Variants in OR1F1 observed in about 807,000 individuals in gnomAD.
The protein encoded by OR1F1 is olfactory receptor family 1 subfamily F member 1, also known as olfactory receptor 1F1.
For synonymous variants in OR1F1, 184 were observed against 156.7 expected (o/e 1.17, Z -1.30); for missense variants, 493 against 376.3 (o/e 1.31, Z -2.57).
At chr16:3,199,420 A>G (rs1418716751), upstream of OR1F1, among the ~76,000 whole-genome samples, 1 of 152,068 alleles carries the variant, frequency 6.6e-6, no homozygotes, top group Admixed American at 6.5e-5. Context: ...AGGTAAGAGG[A>G]TTGCTTGAGC....
At chr16:3,197,493 A>G in the OR1F1 span, among the ~76,000 whole-genome samples, 1 of 151,194 alleles carries the variant, frequency 6.6e-6, no homozygotes, top group Non-Finnish European at 1.5e-5. Flanking sequence ...TGCACAGGCC[A>G]CATGTCAAGG....
the OR1F1 span, among the ~76,000 whole-genome samples, chr16:3,196,437 G>C: frequency 6.6e-6 from 1 of 151,852 alleles, no homozygotes; most frequent in Non-Finnish European, 1.5e-5. Flanking sequence ...AGGCTGGAGG[G>C]CAGTGGTACG....
chr16:3,206,519 C>T (rs8048327), downstream of OR1F1, among the ~76,000 whole-genome samples: 3,995 of 152,198 alleles, frequency 0.026, 177 homozygotes, highest in African/African-American at 0.091. Context: ...TGGGTCCTAC[C>T]AATATGGGAT....
chr16:3,190,448 A>T, the OR1F1 span, among the ~76,000 whole-genome samples: 5 of 152,050 alleles, frequency 3.3e-5, no homozygotes, highest in African/African-American at 1.2e-4. Context: ...ATTTACAAGG[A>T]AAATGGACCC....
the OR1F1 span, among the ~76,000 whole-genome samples, chr16:3,193,524 A>G: frequency 6.6e-6 from 1 of 152,190 alleles, no homozygotes; most frequent in Non-Finnish European, 1.5e-5. Flanking sequence ...CTCTACGGGG[A>G]ATGGGAGTTT....
At chr16:3,195,250 C>G in the OR1F1 span, among the ~76,000 whole-genome samples, 1 of 152,130 alleles carries the variant, frequency 6.6e-6, no homozygotes, top group African/African-American at 2.4e-5. Flanking sequence ...AGACAGGTAA[C>G]TCATTGTGCT....
the OR1F1 span, among the ~76,000 whole-genome samples, chr16:3,195,116 G>A: frequency 6.6e-6 from 1 of 152,210 alleles, no homozygotes; most frequent in African/African-American, 2.4e-5. Flanking sequence ...CGGCCCAGGA[G>A]GGTGCTTCTT....
the OR1F1 span, among the ~76,000 whole-genome samples, chr16:3,189,460 T>C: frequency 1.3e-5 from 2 of 152,174 alleles, no homozygotes; most frequent in Non-Finnish European, 2.9e-5. Context: ...ATTTTGTGCG[T>C]CGCGGAGGAG....
At chr16:3,198,729 C>A in the OR1F1 span, among the ~76,000 whole-genome samples, 11 of 152,126 alleles carry the variant, frequency 7.2e-5, no homozygotes, top group Non-Finnish European at 1.6e-4. Context: ...TGGCTCACGC[C>A]TGGAATCCCA....
At chr16:3,203,150 A>T (rs1958155854), upstream of OR1F1, among the ~76,000 whole-genome samples, 1 of 152,222 alleles carries the variant, frequency 6.6e-6, no homozygotes, top group South Asian at 2.1e-4. Context: ...ACAAAGCTTT[A>T]TCGTCAGTGT....
chr16:3,206,087 G>A (rs1958205565), downstream of OR1F1, among the ~76,000 whole-genome samples: 1 of 152,116 alleles, frequency 6.6e-6, no homozygotes, highest in African/African-American at 2.4e-5. Flanking sequence ...TAAGACCTTG[G>A]GAGAGGAATG....
chr16:3,191,520 T>C, the OR1F1 span, among the ~76,000 whole-genome samples: 2 of 152,178 alleles, frequency 1.3e-5, no homozygotes, highest in South Asian at 4.1e-4. Context: ...GCTCAGTCGG[T>C]AGAGCATGGG....
chr16:3,190,072 C>G, the OR1F1 span, among the ~76,000 whole-genome samples: 5 of 152,124 alleles, frequency 3.3e-5, no homozygotes, highest in African/African-American at 4.8e-5. Flanking sequence ...AAAGGTCCAG[C>G]CTGGGACTCC....
At chr16:3,203,689 G>A (rs369450236), upstream of OR1F1, among the ~76,000 whole-genome samples, 18 of 152,324 alleles carry the variant, frequency 1.2e-4, no homozygotes, top group East Asian at 3.9e-4. Context: ...ACTTGAACTA[G>A]GGAGCTGAAG....
chr16:3,195,490 G>A, the OR1F1 span, among the ~76,000 whole-genome samples: 55 of 152,096 alleles, frequency 3.6e-4, no homozygotes, highest in African/African-American at 1.3e-3. Context: ...GACCAGCCTG[G>A]CTAACATGGT....
chr16:3,190,294 C>A, the OR1F1 span, among the ~76,000 whole-genome samples: 1 of 152,184 alleles, frequency 6.6e-6, no homozygotes, highest in Non-Finnish European at 1.5e-5. Flanking sequence ...ACCCTGGAAC[C>A]CGGGTACCCC....
exon 1 of OR1F1, chr16:3,204,895 T>G (rs199826921): frequency 6.2e-7 from 1 of 1,614,146 alleles, no homozygotes; most frequent in South Asian, 1.1e-5. Context: ...CATCCTGGCT[T>G]CTTATATGCA....
At chr16:3,193,795 CTA>C in the OR1F1 span, among the ~76,000 whole-genome samples, 1 of 152,140 alleles carries the variant, frequency 6.6e-6, no homozygotes, top group African/African-American at 2.4e-5. Context: ...CGGGGTCTCG[CTA>C]TGTTGCTCAA....
exon 1 of OR1F1, chr16:3,205,071 T>G: frequency 6.2e-7 from 1 of 1,614,046 alleles, no homozygotes; most frequent in South Asian, 1.1e-5. Flanking sequence ...CTATGGCTAC[T>G]GTGTTGTATA....
Sources: gnomAD v4.1 joint callset for allele counts (sites outside exome capture counted in the v4.1 genomes callset) on GRCh38, gnomAD v4.1.1 for gene constraint, MANE v1.5 for transcripts, NCBI Gene and HGNC (gene_info 2026-07-23, HGNC 2026-07-21) for gene names.